Variants in TBC1D2B observed in about 807,000 individuals in gnomAD.
The protein encoded by TBC1D2B is TBC1 domain family member 2B, also known as TBC1 domain family, member 2B.
Under a neutral mutation model 100.8 loss-of-function variants are expected in TBC1D2B, and 64 were observed. The observed-to-expected ratio is 0.64, with a 90% confidence interval of 0.52 to 0.78. The LOEUF is 0.78. TBC1D2B is among the 30% of genes least tolerant of loss of function. The pLI is 0.00. For synonymous variants in TBC1D2B, 480 were observed against 479.7 expected (o/e 1.00, Z -0.01); for missense variants, 1,052 against 1,218.4 (o/e 0.86, Z 2.03).
chr15:78,016,829 C>CA (rs1347679364), intron 7 of TBC1D2B, 90 bp from the exon 8 acceptor site: 32 of 1,081,462 alleles, frequency 3.0e-5, no homozygotes, highest in Non-Finnish European at 4.0e-5. Context: ...ACAACAAACC[C>CA]AAAACTATTA....
chr15:78,070,226 C>G (rs774679075), intron 1 of TBC1D2B, among the ~76,000 whole-genome samples: 1 of 152,114 alleles, frequency 6.6e-6, no homozygotes, highest in Non-Finnish European at 1.5e-5. Flanking sequence ...CCTCTCCCTA[C>G]AACACTTGAC....
rs552907409 is a variant in TBC1D2B at position 78,071,552 on chromosome 15, G to A, written c.360+5741C>T. ...GAGACCCGAAAATATGGAACTGACT[G>A]TAAGCTCTCTCCTCTGGGGAAGGGT... On this transcript the variant is annotated intron_variant, in intron 1 of 12. Transcript: ENST00000300584. Among the ~76,000 whole-genome samples the A allele has an allele frequency of 3.3e-5, 5 of 152,298 alleles. No individual in the cohort carries two copies. In the South Asian group the frequency reaches 6.2e-4, roughly 19 times the overall value.
intron 12 of TBC1D2B, chr15:77,999,312 C>T (rs867342746): frequency 1.2e-4 from 54 of 455,142 alleles, no homozygotes; most frequent in East Asian, 1.2e-3. Context: ...CTCCTGCTGC[C>T]GTCGGCTGCG....
rs528014453 is a variant in TBC1D2B at position 78,011,711 on chromosome 15, C to T, written c.2270+1112G>A. 4.8e-5 allele frequency among the ~76,000 whole-genome samples: 7 copies of T among 147,128 alleles called. No homozygotes were observed. The East Asian group carries it at 1.0e-3, about 21-fold the overall frequency. On this transcript the variant is annotated intron_variant, in intron 9 of 12. Transcript: ENST00000300584. The stretch of plus-strand genomic sequence containing the variant: ...TTGTTCAGGCTGGAGTGCAGTGGTG[C>T]AATGCTGGCTCACTGCAACATCTGC...
intron 2 of TBC1D2B, among the ~76,000 whole-genome samples, chr15:78,049,182 C>T (rs1412189811): frequency 6.6e-6 from 1 of 152,150 alleles, no homozygotes; most frequent in Non-Finnish European, 1.5e-5. Context: ...AGCCAACCAC[C>T]AGGTCCTGAG....
At chr15:78,057,692 C>T (rs2141817764) in intron 1 of TBC1D2B, among the ~76,000 whole-genome samples, 1 of 152,260 alleles carries the variant, frequency 6.6e-6, no homozygotes, top group African/African-American at 2.4e-5. Context: ...TGACTTCAAT[C>T]CCCAATTAGC....
intron 8 of TBC1D2B, among the ~76,000 whole-genome samples, chr15:78,015,291 A>G (rs995483367): frequency 3.9e-5 from 6 of 152,200 alleles, no homozygotes; most frequent in African/African-American, 1.4e-4. Context: ...AAATGAAACT[A>G]TATTGGCAAA....
intron 2 of TBC1D2B, among the ~76,000 whole-genome samples, chr15:78,050,897 C>A (rs945260946): frequency 6.6e-6 from 1 of 152,194 alleles, no homozygotes; most frequent in Admixed American, 6.5e-5. Flanking sequence ...TGGTTTTGAT[C>A]GTGGCCATAT....
intron 2 of TBC1D2B, among the ~76,000 whole-genome samples, chr15:78,047,303 T>C (rs1456849079): frequency 6.6e-6 from 1 of 151,910 alleles, no homozygotes; most frequent in African/African-American, 2.4e-5. Flanking sequence ...GTTCTTGGTT[T>C]TACTATCATG....
chr15:78,052,602 T>C (rs555733381), intron 2 of TBC1D2B, among the ~76,000 whole-genome samples: 3 of 152,334 alleles, frequency 2.0e-5, no homozygotes, highest in East Asian at 1.9e-4. Context: ...AAAGAGACTA[T>C]AGGGCTAGGC....
At chr15:78,055,774 T>C (rs1381595117) in intron 1 of TBC1D2B, among the ~76,000 whole-genome samples, 3 of 152,246 alleles carry the variant, frequency 2.0e-5, no homozygotes, top group Admixed American at 6.5e-5. Flanking sequence ...CATCCATTCA[T>C]TTAACCAACA....
Position 78,013,220 on chromosome 15 carries a change from G to A in TBC1D2B, c.1873C>T (p.Leu625Phe), listed in dbSNP as rs753110801. The A allele has an allele frequency of 6.2e-7, 1 of 1,614,014 alleles. No individual in the cohort carries two copies. Residue 625 changes from leucine to phenylalanine, a missense_variant, in exon 9 of 13, where the codon CTC (leucine) becomes TTC (phenylalanine). By Grantham distance (22) the Leu-to-Phe change is conservative (BLOSUM62 0). This residue lies in a region of TBC1D2B where 373 missense variants were observed against 464.9 expected (regional missense o/e 0.80). Coordinates refer to ENST00000300584, the MANE Select transcript of TBC1D2B (RefSeq NM_144572.2). ...GTGGAGACTTCCTGGTTTTCTGTGA[G>A]GTAGAGAGTCTTCAGATCCAACGCG... ...VRALDLKTLY[L>F]TENQEVSTGV...
At chr15:78,008,853 A>G in intron 10 of TBC1D2B, 144 bp downstream of exon 10, 1 of 631,882 alleles carries the variant, frequency 1.6e-6, no homozygotes, top group Non-Finnish European at 2.8e-6. Flanking sequence ...ACAGCCTCTG[A>G]GATGTGGCCT....
rs2072417257 is a variant in TBC1D2B at position 78,017,897 on chromosome 15, A to C, written c.1531T>G (p.Ser511Ala). The change falls in exon 7 of 13, where the codon TCA becomes GCA. Residue 511 changes from serine (S) to alanine (A), a missense_variant. By Grantham distance (99) the Ser-to-Ala change is moderately conservative (BLOSUM62 1). This residue lies in a region of TBC1D2B where 5 missense variants were observed against 19.1 expected (regional missense o/e 0.26). Transcript: ENST00000300584. ...CTTTCTGCATTTCTTCGTAGAGCTG[A>C]GAGTTCCAAAATCTCCTTATTTAGA... ...KFLNKEILELSALRRNAERRE... is the reference protein window; with the variant it reads ...KFLNKEILELAALRRNAERRE... 1 of 1,612,322 alleles carries C rather than the reference A, an allele frequency of 6.2e-7. No homozygotes were observed. Among genetic ancestry groups the C allele is most frequent in the Non-Finnish European group, 8.5e-7 (1 of 1,179,134 alleles).
At chr15:78,068,383 C>CCACATACA (rs2073693658) in intron 1 of TBC1D2B, among the ~76,000 whole-genome samples, 1 of 143,012 alleles carries the variant, frequency 7.0e-6, no homozygotes, top group African/African-American at 2.6e-5. Context: ...CACACCACAC[C>CCACATACA]CACACACACA....
chr15:78,012,996 C>T lies in TBC1D2B; in HGVS notation c.2097G>A (p.Ala699=), dbSNP rs376590157. 7 of 1,600,792 alleles carry T rather than the reference C, an allele frequency of 4.4e-6. 1 individual carries two copies. The East Asian group carries it at 1.1e-4, about 26-fold the overall frequency. Residue 699 remains alanine, a synonymous_variant, in exon 9 of 13, where the codon GCG becomes GCA. Transcript: ENST00000300584. ...PGHFQTLLQK[A]LEKQNPASKQ... ...TGGAGGCTGGGTTCTGTTTCTCCAG[C>T]GCCTTCTGCAGCAAGGTCTGGAAGT...
chr15:78,029,854 T>A (rs2072763837), intron 4 of TBC1D2B, among the ~76,000 whole-genome samples, 153 bp downstream of exon 4: 1 of 152,258 alleles, frequency 6.6e-6, no homozygotes, highest in African/African-American at 2.4e-5. Flanking sequence ...AATAATTTTT[T>A]AAGCCTTTAT....
In TBC1D2B at chr15:78,025,469, A is replaced by C. The variant is rs763489763; in HGVS notation, c.876T>G (p.Asp292Glu). 1 of 1,613,568 alleles carries C rather than the reference A, an allele frequency of 6.2e-7. No homozygotes were observed. The highest frequency in any genetic ancestry group is 1.1e-5 in the South Asian group (1 of 91,038). Residue 292 changes from aspartate (D) to glutamate (E), a missense_variant, in exon 5 of 13, where the codon GAT becomes GAG. Physicochemically the swap from Asp to Glu is conservative, Grantham distance 45 (BLOSUM62 2). Transcript: ENST00000300584. ...TTCCTTTGTAGGGGTTACGTCCAAA[A>C]TCAAAGGGGAATCCTGAGCCAGTTA... ...KGVTGSGFPF[D>E]FGRNPYKGKR...
chr15:78,034,554 G>A, intron 3 of TBC1D2B: 2 of 985,366 alleles, frequency 2.0e-6, no homozygotes, highest in Non-Finnish European at 2.4e-6. Context: ...TAAGAGCAGG[G>A]ACACCCCCAC....
Sources: allele counts gnomAD v4.1 joint callset (sites outside exome capture counted in the v4.1 genomes callset), GRCh38; gene constraint gnomAD v4.1.1; regional missense constraint gnomAD v4.1.1; transcripts MANE v1.5; gene names NCBI Gene and HGNC (gene_info 2026-07-23, HGNC 2026-07-21).